Variants in DMD observed in about 807,000 individuals in gnomAD.
The protein encoded by DMD is dystrophin, also known as mutant dystrophin.
A neutral mutation model predicts 330.1 loss-of-function variants in DMD; 63 were observed. The ratio of observed to expected loss-of-function variants is 0.19; its 90% CI spans 0.16 to 0.24. The LOEUF (loss-of-function observed/expected upper bound fraction) is 0.24. Among genes scored for constraint, DMD ranks in the 10% least tolerant of loss-of-function variants. The pLI, the probability that DMD is intolerant of heterozygous loss-of-function variation, is 1.00. For synonymous variants in DMD, 1,223 were observed against 959.8 expected (o/e 1.27, Z -5.07); for missense variants, 3,344 against 2,684.1 (o/e 1.25, Z -5.43).
Position 31,177,970 on chromosome X carries a change from A to T in DMD, c.10224T>A (p.Thr3408=), listed in dbSNP as rs774389538. 28 of 1,204,239 alleles carry T rather than the reference A, an allele frequency of 2.3e-5. No individual in the cohort carries two copies. In the East Asian group the frequency reaches 5.3e-4, roughly 23 times the overall value. The change falls in exon 71 of 79, where the codon ACT becomes ACA. Residue 3408 remains threonine, a splice_region_variant and synonymous_variant. Coordinates refer to ENST00000357033, the MANE Select transcript of DMD (RefSeq NM_004006.3). ...QTVLEGDNME[T]PVTLINFWPV... is the part of the protein sequence containing the mutation. The stretch of plus-strand genomic sequence containing the variant: ...GCCAGAAGTTGATCAGAGTAACGGG[A>T]CTGCAAAACAAAAAATGAGGTGGTG...
intron 43 of DMD, among the ~76,000 whole-genome samples, chrX:32,234,919 C>T (rs2097181980): frequency 9.0e-6 from 1 of 111,630 alleles, no homozygotes; most frequent in Admixed American, 9.5e-5. Context: ...TTAATGTTCA[C>T]ATGGGAAGTA....
intron 52 of DMD, among the ~76,000 whole-genome samples, chrX:31,721,708 C>A (rs1449021693): frequency 0.084 from 4,131 of 49,054 alleles, 115 homozygotes; most frequent in South Asian, 0.1. Context: ...CTCTCTCTCT[C>A]TCTCTCTCTC....
intron 20 of DMD, among the ~76,000 whole-genome samples, chrX:32,485,378 A>C (rs759637182): frequency 2.1e-4 from 23 of 110,945 alleles, no homozygotes; most frequent in Non-Finnish European, 4.0e-4. Flanking sequence ...CGTACAGTGG[A>C]AAAATACTAT....
intron 47 of DMD, among the ~76,000 whole-genome samples, chrX:31,917,535 A>G (rs1256857437): frequency 8.9e-6 from 1 of 112,199 alleles, no homozygotes; most frequent in Non-Finnish European, 1.9e-5. Flanking sequence ...TGGTTCATTC[A>G]AGGAATAAAT....
intron 44 of DMD, among the ~76,000 whole-genome samples, chrX:32,133,764 A>T (rs1273006814): frequency 9.0e-6 from 1 of 111,152 alleles, no homozygotes; most frequent in Non-Finnish European, 1.9e-5. Flanking sequence ...ACTATTTCTT[A>T]TCACCCTGGT....
In DMD at chrX:32,143,540, A is replaced by AT. The variant is rs746106044; in HGVS notation, c.6438+73375dup. Among the ~76,000 whole-genome samples, 829 of 97,299 alleles carry AT rather than the reference A, an allele frequency of 8.5e-3. 8 individuals are homozygous for AT. Among genetic ancestry groups the AT allele is most frequent in the African/African-American group, 0.024 (635 of 26,841 alleles). The allele number at this position is 97,299 out of a possible 115,157, so 84.5% of individuals were successfully genotyped here. A position where few individuals can be genotyped will look rare whatever the true frequency, so the allele number is the denominator to read the frequency against. ...TCGCTGTAGTTAAAAGTAAAAATAC[A>AT]TTTTTTTTTTTTTTCTTTTTGAGAT... On this transcript the variant is annotated intron_variant, in intron 44 of 78. Coordinates refer to ENST00000357033, the MANE Select transcript of DMD (RefSeq NM_004006.3).
At chrX:31,333,994 G>A (rs1019543052) in intron 61 of DMD, among the ~76,000 whole-genome samples, 3 of 109,990 alleles carry the variant, frequency 2.7e-5, no homozygotes, top group South Asian at 4.0e-4. Context: ...GCGCAATGGC[G>A]CGATCTCGGC....
chrX:31,351,155 T>TACACACACACACACACACAC (rs1291594371), intron 60 of DMD, among the ~76,000 whole-genome samples: 9 of 82,567 alleles, frequency 1.1e-4, no homozygotes, highest in African/African-American at 4.4e-4. Context: ...TAGACATACA[T>TACACACACACACACACACAC]ATATACACAC....
At chrX:31,608,580 A>C (rs889336053) in intron 55 of DMD, among the ~76,000 whole-genome samples, 1 of 112,101 alleles carries the variant, frequency 8.9e-6, no homozygotes, top group Non-Finnish European at 1.9e-5. Context: ...AGCTATTGTC[A>C]CAGTAATGTA....
intron 1 of DMD, among the ~76,000 whole-genome samples, chrX:33,084,564 G>A (rs963973185): frequency 9.0e-6 from 1 of 111,218 alleles, no homozygotes; most frequent in Non-Finnish European, 1.9e-5. Flanking sequence ...TCAGTTCCTG[G>A]GTGGAGGCCA....
Position 32,611,546 on chromosome X carries a change from G to GA in DMD, c.1482+2756dup, listed in dbSNP as rs751111771. ...CATTTCATTCACATTATATCTTTCAGAAAAAACTACAAAACATTTCAGGTA... is the reference window on the plus strand; with the variant it reads ...CATTTCATTCACATTATATCTTTCAGAAAAAAACTACAAAACATTTCAGGTA... On this transcript the variant is annotated intron_variant, in intron 12 of 78. Transcript: ENST00000357033. 4.5e-5 allele frequency among the ~76,000 whole-genome samples: 5 copies of GA among 111,535 alleles called. No individual in the cohort carries two copies. In the South Asian group the frequency reaches 1.5e-3, roughly 33 times the overall value.
intron 2 of DMD, among the ~76,000 whole-genome samples, chrX:32,922,106 C>T (rs2088476786): frequency 9.1e-6 from 1 of 110,195 alleles, no homozygotes; most frequent in African/African-American, 3.3e-5. Context: ...GTGCAGAGAG[C>T]TAAAAGGCTC....
intron 1 of DMD, among the ~76,000 whole-genome samples, chrX:33,252,658 A>G (rs1450406188): frequency 9.0e-6 from 1 of 110,960 alleles, no homozygotes; most frequent in Admixed American, 9.7e-5. Flanking sequence ...AGAGGATCCA[A>G]TGCCACATTG....
At chrX:32,186,815 C>T (rs112628128) in intron 44 of DMD, among the ~76,000 whole-genome samples, 3 of 110,546 alleles carry the variant, frequency 2.7e-5, no homozygotes, top group East Asian at 2.8e-4. Flanking sequence ...CTTTTATGAA[C>T]GTTGAGTGGG....
At chrX:32,700,190 A>G (rs1304855879) in intron 7 of DMD, among the ~76,000 whole-genome samples, 1 of 111,542 alleles carries the variant, frequency 9.0e-6, no homozygotes, top group African/African-American at 3.2e-5. Flanking sequence ...GTTAACACAT[A>G]AGTTCTGACT....
At chrX:32,190,644 T>C (rs1037519545) in intron 44 of DMD, among the ~76,000 whole-genome samples, 2 of 102,776 alleles carry the variant, frequency 1.9e-5, no homozygotes, top group East Asian at 6.1e-4. Context: ...CTTTAAGAGA[T>C]ATTTTCTATC....
chrX:31,664,458 C>T (rs2081300724), intron 53 of DMD, among the ~76,000 whole-genome samples: 1 of 108,519 alleles, frequency 9.2e-6, no homozygotes, highest in African/African-American at 3.4e-5. Context: ...GCTGACTATT[C>T]TCTTCTCGAA....
intron 11 of DMD, among the ~76,000 whole-genome samples, chrX:32,616,392 T>C (rs1389848480): frequency 9.0e-6 from 1 of 111,299 alleles, no homozygotes; most frequent in Non-Finnish European, 1.9e-5. Context: ...TATTCCTCCA[T>C]TTATTTATGA....
intron 18 of DMD, among the ~76,000 whole-genome samples, chrX:32,514,703 T>G (rs2045686148): frequency 8.9e-6 from 1 of 112,563 alleles, no homozygotes; most frequent in African/African-American, 3.2e-5. Context: ...ATCGCGCCAC[T>G]GCACTCCCGC....
Sources: gnomAD v4.1 joint callset for allele counts (sites outside exome capture counted in the v4.1 genomes callset) on GRCh38, gnomAD v4.1.1 for gene constraint, MANE v1.5 for transcripts, NCBI Gene and HGNC (gene_info 2026-07-23, HGNC 2026-07-21) for gene names.